Variants in DDB2 observed in about 807,000 individuals in gnomAD.
DDB2 encodes the protein damage specific DNA binding protein 2.
In DDB2, 27 loss-of-function variants were observed where a neutral mutation model predicts 50.5. The observed-to-expected ratio is 0.53, with a 90% CI of 0.39 to 0.74. The LOEUF is 0.74. Ranked by LOEUF, DDB2 falls within the 30% of genes least tolerant of loss-of-function variation. The pLI is 0.00. For missense variants in DDB2, 424 were observed against 545.6 expected (o/e 0.78, Z 2.22); for synonymous variants, 176 against 205.5 (o/e 0.86, Z 1.23).
At chr11:47,232,996 G>GC in intron 4 of DDB2, 37 bp downstream of exon 4, 2 of 1,612,730 alleles carry the variant, frequency 1.2e-6, no homozygotes, top group Non-Finnish European at 1.7e-6. Context: ...GGGCTTCTAA[G>GC]CTTAGGTGTA....
At chr11:47,229,011 A>ATCTATCTATCTATCTG (rs1160244784) in intron 3 of DDB2, among the ~76,000 whole-genome samples, 6 of 150,412 alleles carry the variant, frequency 4.0e-5, no homozygotes, top group African/African-American at 1.5e-4. Context: ...CTATCTATCT[A>ATCTATCTATCTATCTG]TCTATCTATC....
chr11:47,231,820 A>G (rs554600010), intron 3 of DDB2, among the ~76,000 whole-genome samples: 2 of 152,156 alleles, frequency 1.3e-5, no homozygotes, highest in South Asian at 2.1e-4. Context: ...AGGACATTCT[A>G]TGAGGGCAAA....
chr11:47,217,909 C>T (rs1414997813), intron 3 of DDB2, among the ~76,000 whole-genome samples: 2 of 151,938 alleles, frequency 1.3e-5, no homozygotes, highest in Non-Finnish European at 2.9e-5. Context: ...AGAATTGAAG[C>T]CCCTTCTTAC....
At chr11:47,228,032 C>T (rs928103369) in intron 3 of DDB2, among the ~76,000 whole-genome samples, 2 of 149,148 alleles carry the variant, frequency 1.3e-5, no homozygotes, top group African/African-American at 2.5e-5. Flanking sequence ...CCCAGCTACC[C>T]GGGAGGTTGA....
chr11:47,235,438 CAGA>C (rs1181773099), intron 7 of DDB2, 26 bp downstream of exon 7: 4 of 1,604,546 alleles, frequency 2.5e-6, no homozygotes, highest in Non-Finnish European at 2.5e-6. Context: ...AAGGAGCTCG[CAGA>C]AGGAGGCTGT....
At chr11:47,230,230 G>A (rs920145490) in intron 3 of DDB2, among the ~76,000 whole-genome samples, 1 of 151,940 alleles carries the variant, frequency 6.6e-6, no homozygotes, top group African/African-American at 2.4e-5. Context: ...AGCCCAGGAG[G>A]TTGGGGCTAC....
At chr11:47,231,583 A>AT (rs1953650543) in intron 3 of DDB2, among the ~76,000 whole-genome samples, 1 of 152,102 alleles carries the variant, frequency 6.6e-6, no homozygotes, top group South Asian at 2.1e-4. Context: ...GAGTGCAGTG[A>AT]TTCGATCGCA....
chr11:47,231,903 G>C (rs1054334086), intron 3 of DDB2, among the ~76,000 whole-genome samples: 1 of 152,122 alleles, frequency 6.6e-6, no homozygotes, highest in Non-Finnish European at 1.5e-5. Context: ...GGGATACCAC[G>C]ATGGAGTTTT....
At chr11:47,223,966 T>G (rs2135494949) in intron 3 of DDB2, among the ~76,000 whole-genome samples, 1 of 152,038 alleles carries the variant, frequency 6.6e-6, no homozygotes, top group Admixed American at 6.6e-5. Flanking sequence ...AATTAGCTAG[T>G]GGCTTGAACT....
intron 3 of DDB2, chr11:47,221,830 C>T (rs1325067058): frequency 2.0e-5 from 3 of 152,220 alleles, no homozygotes; most frequent in African/African-American, 7.2e-5. Flanking sequence ...ATCCGCCCGC[C>T]TCGGCCTCCC....
chr11:47,231,364 C>G (rs1020277070), intron 3 of DDB2, among the ~76,000 whole-genome samples: 1 of 152,070 alleles, frequency 6.6e-6, no homozygotes, highest in Non-Finnish European at 1.5e-5. Flanking sequence ...CAAATTAGGG[C>G]ACATCCATGT....
rs202083037 is a variant in DDB2, at chr11:47,234,644, T to C, written c.674T>C (p.Val225Ala). The change falls in exon 5 of 10, where the codon GTG becomes GCG. Residue 225 changes from valine (V) to alanine (A), a missense_variant. Coordinates refer to ENST00000256996, the MANE Select transcript of DDB2 (RefSeq NM_000107.3). ...MVVTGDNVGN[V>A]ILLNMDGKEL... ...GTCACAGGAGACAACGTGGGGAACG[T>C]GATCCTGCTGAACATGGACGGCAAA... 101 of 1,614,028 alleles carry C rather than the reference T, an allele frequency of 6.3e-5. No individual in the cohort carries two copies. The highest frequency in any genetic ancestry group is 3.6e-4 in the African/African-American group (27 of 74,912).
At chr11:47,216,213 G>C (rs752312065) in intron 1 of DDB2, 123 bp from the exon 2 acceptor site, 2 of 1,447,116 alleles carry the variant, frequency 1.4e-6, no homozygotes, top group East Asian at 4.5e-5. Flanking sequence ...ACATGGAAAG[G>C]CCGCAGGAGG....
intron 3 of DDB2, 24 bp downstream of exon 3, chr11:47,217,073 C>G (rs781721341): frequency 8.7e-6 from 14 of 1,606,196 alleles, no homozygotes; most frequent in Non-Finnish European, 1.1e-5. Context: ...CATGCCAGGT[C>G]GTGCTAAAGA....
At chr11:47,217,165 A>G (rs56367299) in intron 3 of DDB2, 116 bp downstream of exon 3, 8 of 845,678 alleles carry the variant, frequency 9.5e-6, no homozygotes, top group African/African-American at 3.3e-5. Flanking sequence ...CACCTGAGGT[A>G]TGGAGTTTGA....
Position 47,225,795 on chromosome 11 carries a change from C to A in DDB2, c.457-7019C>A, listed in dbSNP as rs1680346337. ...TCTCCCTCCCCTTAGCCCCTGGCAA[C>A]CACAGTACTACTTTCTGTTTCTGTG... On this transcript the variant is annotated intron_variant, in intron 3 of 9. Coordinates refer to ENST00000256996, the MANE Select transcript of DDB2 (RefSeq NM_000107.3). Among the ~76,000 whole-genome samples the A allele has an allele frequency of 2.0e-5, 3 of 152,172 alleles. No individual in the cohort carries two copies. In the South Asian group the frequency reaches 6.2e-4, roughly 31 times the overall value.
intron 3 of DDB2, among the ~76,000 whole-genome samples, chr11:47,217,618 G>T (rs535520272): frequency 2.6e-4 from 39 of 152,208 alleles, no homozygotes; most frequent in Non-Finnish European, 4.4e-4. Flanking sequence ...TGGGCTGGGC[G>T]CAGTGGCTCA....
rs199822504 is a variant in DDB2, at chr11:47,232,931, C to T, written c.574C>T (p.Arg192Ter). ...GCAAGACTTTAAAGGCAACATTCTACGAGTTTTTGCCAGCTCAGACACCAT... is the reference window on the plus strand; with the variant it reads ...GCAAGACTTTAAAGGCAACATTCTATGAGTTTTTGCCAGCTCAGACACCAT... The part of the protein sequence containing the change: ...RLQDFKGNIL[R>*]VFASSDTINI... Residue 192 changes from arginine to a stop codon, truncating the protein, a stop_gained, in exon 4 of 10, where the codon CGA (arginine) becomes TGA (stop). Coordinates refer to ENST00000256996, the MANE Select transcript of DDB2 (RefSeq NM_000107.3). LOFTEE classifies it high-confidence loss of function. 2.4e-5 allele frequency: 38 copies of T among 1,614,050 alleles called. No homozygotes were observed. Among genetic ancestry groups the T allele is most frequent in the Admixed American group, 1.7e-5 (1 of 59,998 alleles).
rs537987305 is a variant in DDB2 at position 47,224,297 on chromosome 11, G to A, written c.456+7248G>A. On this transcript the variant is annotated intron_variant, in intron 3 of 9. Coordinates refer to ENST00000256996, the MANE Select transcript of DDB2 (RefSeq NM_000107.3). ...GGCTGGTGTGCAGTGCCACAATCTC[G>A]GCTCACTGCAACCTCCACCTCCAGG... Among the ~76,000 whole-genome samples the A allele has an allele frequency of 2.8e-4, 42 of 151,788 alleles. No individual in the cohort carries two copies. The East Asian group carries it at 7.5e-3, about 27-fold the overall frequency.
Sources: gnomAD v4.1 joint callset for allele counts (sites outside exome capture counted in the v4.1 genomes callset) on GRCh38, gnomAD v4.1.1 for gene constraint, MANE v1.5 for transcripts, NCBI Gene and HGNC (gene_info 2026-07-23, HGNC 2026-07-21) for gene names.